The following FKBP5 variants were observed in gnomAD, a reference collection of about 807,000 sequenced individuals.
The protein encoded by FKBP5 is FKBP prolyl isomerase 5, also known as peptidyl-prolyl cis-trans isomerase FKBP5.
Under a neutral mutation model 50.5 loss-of-function variants are expected in FKBP5, and 23 were observed. The ratio of observed to expected loss-of-function variants is 0.46; its 90% confidence interval spans 0.33 to 0.65. FKBP5 has a LOEUF of 0.65. FKBP5 is among the 30% of genes least tolerant of loss of function. The pLI, the probability that FKBP5 is intolerant of heterozygous loss-of-function variation, is 0.02. For missense variants in FKBP5, 411 were observed against 553.1 expected (o/e 0.74, Z 2.58); for synonymous variants, 176 against 190.6 (o/e 0.92, Z 0.63).
At chr6:35,689,317 C>T (rs191024490), upstream of FKBP5, among the ~76,000 whole-genome samples, 129 of 152,240 alleles carry the variant, frequency 8.5e-4, no homozygotes, top group African/African-American at 2.4e-3. Context: ...ACCTAGAGGC[C>T]GGAGAGGGGC....
At chr6:35,687,501 T>G (rs1247202216) in intron 1 of FKBP5, among the ~76,000 whole-genome samples, 2 of 152,104 alleles carry the variant, frequency 1.3e-5, no homozygotes, top group East Asian at 3.8e-4. Context: ...GTAAAAACCC[T>G]TATGGAGGAG....
chr6:35,724,355 C>T (rs1417601982), intron 1 of FKBP5, among the ~76,000 whole-genome samples: 3 of 152,160 alleles, frequency 2.0e-5, no homozygotes, highest in Non-Finnish European at 4.4e-5. Context: ...TGTCCAACTC[C>T]ACTGCTGAGA....
At chr6:35,667,777 A>G (rs989819714) in intron 1 of FKBP5, among the ~76,000 whole-genome samples, 1 of 152,140 alleles carries the variant, frequency 6.6e-6, no homozygotes, top group African/African-American at 2.4e-5. Flanking sequence ...GCTACTCAGG[A>G]GGCTGAGGCA....
intron 1 of FKBP5, among the ~76,000 whole-genome samples, chr6:35,686,527 A>G (rs1284123190): frequency 1.3e-5 from 2 of 152,190 alleles, no homozygotes; most frequent in African/African-American, 4.8e-5. Context: ...ATGATAAAAA[A>G]TAATGGAAGC....
Position 35,591,222 on chromosome 6 carries a change from T to G in FKBP5, c.666-2A>C. ...TTCCCTGCCTCTCCAAAACCATATC[T>G]GAAATGGAGAGTAAAAAATAAAACT... On this transcript the variant is annotated splice_acceptor_variant, in intron 6 of 10. Coordinates refer to ENST00000357266, the MANE Select transcript of FKBP5 (RefSeq NM_004117.4). LOFTEE classifies it high-confidence loss of function. 1 of 1,595,970 alleles carries G rather than the reference T, an allele frequency of 6.3e-7. No individual in the cohort carries two copies. Among genetic ancestry groups the G allele is most frequent in the Non-Finnish European group, 8.6e-7 (1 of 1,165,832 alleles).
intron 3 of FKBP5, among the ~76,000 whole-genome samples, chr6:35,634,386 G>T (rs1219224946): frequency 6.6e-6 from 1 of 152,078 alleles, no homozygotes; most frequent in African/African-American, 2.4e-5. Flanking sequence ...GACTGTATTT[G>T]ATTTTTACTG....
chr6:35,717,487 G>A (rs1766533525), intron 2 of FKBP5, among the ~76,000 whole-genome samples: 1 of 152,242 alleles, frequency 6.6e-6, no homozygotes, highest in South Asian at 2.1e-4. Flanking sequence ...GTCCACATCT[G>A]TGTTGCCCAT....
At position 35,585,739 on chromosome 6, in the gene FKBP5, C is replaced by T. The variant is rs900014567; in HGVS notation, c.840+1295G>A. On this transcript the variant is annotated intron_variant, in intron 8 of 10. Coordinates refer to ENST00000357266, the MANE Select transcript of FKBP5 (RefSeq NM_004117.4). ...ATATGCAATCCAGTACTTACTCATACACAAGCAAAGTTTTATGCAACAAAA... is the reference window on the plus strand; with the variant it reads ...ATATGCAATCCAGTACTTACTCATATACAAGCAAAGTTTTATGCAACAAAA... 10 of 981,710 alleles carry T rather than the reference C, an allele frequency of 1.0e-5. No individual in the cohort carries two copies. The African/African-American group carries it at 1.4e-4, about 14-fold the overall frequency. 60.8% of individuals were successfully genotyped at this position (981,710 alleles called of 1,614,324 possible). A position where few individuals can be genotyped will look rare whatever the true frequency, so the allele number is the denominator to read the frequency against.
chr6:35,697,579 T>C (rs1456728514), intron 2 of FKBP5, among the ~76,000 whole-genome samples: 1 of 147,022 alleles, frequency 6.8e-6, no homozygotes, highest in Non-Finnish European at 1.5e-5. Context: ...GAAGTACTAA[T>C]AGATGCTACA....
Position 35,589,106 on chromosome 6 carries a change from ATTTT to A in FKBP5, c.757-1993_757-1990del, listed in dbSNP as rs1185347622. The stretch of plus-strand genomic sequence containing the variant: ...TATATATATTTTTATATATATATAT[ATTTT>A]TATATATATATATATATATTTTTTT... On this transcript the variant is annotated intron_variant, in intron 7 of 10. Coordinates refer to ENST00000357266, the MANE Select transcript of FKBP5 (RefSeq NM_004117.4). Among the ~76,000 whole-genome samples, 484 of 112,310 alleles carry A rather than the reference ATTTT, an allele frequency of 4.3e-3. 3 individuals are homozygous for A. Among genetic ancestry groups the A allele is most frequent in the African/African-American group, 0.016 (392 of 23,826 alleles). 73.7% of individuals were successfully genotyped at this position (112,310 alleles called of 152,430 possible).
At chr6:35,611,504 G>A (rs900215173) in intron 5 of FKBP5, among the ~76,000 whole-genome samples, 1 of 152,180 alleles carries the variant, frequency 6.6e-6, no homozygotes, top group Non-Finnish European at 1.5e-5. Flanking sequence ...GAGACTGGGG[G>A]ATGGGGGAAG....
At position 35,577,053 on chromosome 6, in the gene FKBP5, C is replaced by T. The variant is rs762377537; in HGVS notation, c.1207G>A (p.Glu403Lys). The change falls in exon 10 of 11, where the codon GAG becomes AAG. Residue 403 changes from glutamate to lysine, a missense_variant. By Grantham distance (56) the Glu-to-Lys change is moderately conservative. This residue lies in a region of FKBP5 where 88 missense variants were observed against 89.0 expected (regional missense o/e 0.99). Transcript: ENST00000357266. ...MCQKKAKEHN[E>K]RDRRIYANMF... is the part of the protein sequence containing the mutation. ...TTGGCGTATATCCTGCGGTCCCGCT[C>T]GTTGTGCTCCTTGGCCTTTTTCTGG... 2.3e-5 allele frequency: 37 copies of T among 1,614,082 alleles called. No homozygotes were observed. The highest frequency in any genetic ancestry group is 2.3e-5 in the Non-Finnish European group (27 of 1,180,030).
At chr6:35,606,107 T>C (rs995659544) in intron 5 of FKBP5, among the ~76,000 whole-genome samples, 2 of 152,144 alleles carry the variant, frequency 1.3e-5, no homozygotes, top group Non-Finnish European at 2.9e-5. Context: ...AAATAAGCTA[T>C]CAACGAAGCA....
chr6:35,580,262 G>A, intron 8 of FKBP5, 41 bp from the exon 9 acceptor site: 1 of 1,514,480 alleles, frequency 6.6e-7, no homozygotes, highest in South Asian at 1.2e-5. Flanking sequence ...CAGCTCTTGA[G>A]GGGGTACAAA....
chr6:35,711,061 C>T (rs1289216601), intron 2 of FKBP5, among the ~76,000 whole-genome samples: 5 of 152,128 alleles, frequency 3.3e-5, no homozygotes, highest in African/African-American at 9.6e-5. Context: ...GGCTCATGCC[C>T]GTAATCCCAT....
At chr6:35,693,028 G>T (rs1581890292), upstream of FKBP5, among the ~76,000 whole-genome samples, 2 of 117,616 alleles carry the variant, frequency 1.7e-5, no homozygotes, top group African/African-American at 3.4e-5. Flanking sequence ...TCTATGCTTT[G>T]TCCTAATAAG....
Position 35,637,104 on chromosome 6 carries a change from A to G in FKBP5, c.160T>C (p.Tyr54His). Residue 54 changes from tyrosine to histidine, a missense_variant, in exon 3 of 11, where the codon TAT becomes CAT. By Grantham distance (83) the Tyr-to-His change is moderately conservative. Around this residue, in one of 3 missense-constraint regions of FKBP5, gnomAD observed 267 missense variants for 405.9 expected, o/e 0.66. Transcript: ENST00000357266. ...GACAATTTTCCTTTGTAATGGACAT[A>G]AACTTTGTCTCCAATCATCGGCGTT... ...EETPMIGDKVYVHYKGKLSNG... is the reference protein window; with the variant it reads ...EETPMIGDKVHVHYKGKLSNG... 1.2e-6 allele frequency: 2 copies of G among 1,611,524 alleles called. No homozygotes were observed. The highest frequency in any genetic ancestry group is 1.7e-6 in the Non-Finnish European group (2 of 1,179,414).
intron 8 of FKBP5, chr6:35,581,285 A>AT (rs1554130222): frequency 1.1e-4 from 42 of 388,526 alleles, no homozygotes; most frequent in Middle Eastern, 1.3e-3. Flanking sequence ...ATATATATAT[A>AT]ATATATATAT....
intron 2 of FKBP5, among the ~76,000 whole-genome samples, chr6:35,714,131 T>G (rs1387910028): frequency 6.6e-6 from 1 of 150,786 alleles, no homozygotes; most frequent in Non-Finnish European, 1.5e-5. Flanking sequence ...TAAGGGGTTA[T>G]GAGGACATCT....
Sources: gnomAD v4.1 joint callset for allele counts (sites outside exome capture counted in the v4.1 genomes callset) on GRCh38, gnomAD v4.1.1 for gene constraint, gnomAD v4.1.1 regional missense constraint, MANE v1.5 for transcripts, NCBI Gene and HGNC (gene_info 2026-07-23, HGNC 2026-07-21) for gene names.